Variants in HDAC9 observed in about 807,000 individuals in gnomAD.
HDAC9 encodes MEF-2 interacting transcription repressor (MITR) protein.
HDAC9 carries 41 observed loss-of-function variants against 139.4 expected under a neutral mutation model. That is an observed-to-expected ratio of 0.29 (90% confidence interval 0.23 to 0.38). HDAC9 has a LOEUF of 0.38. Ranked by LOEUF, HDAC9 falls within the 10% of genes least tolerant of loss-of-function variation. The probability of loss-of-function intolerance (pLI) is 1.00; values close to 1 mark genes in which losing one functional copy is unlikely to be tolerated. For missense variants in HDAC9, 1,147 were observed against 1,297.0 expected (o/e 0.88, Z 1.78); for synonymous variants, 517 against 476.2 (o/e 1.09, Z -1.12).
At chr7:18,798,827 A>C (rs1793032848) in intron 17 of HDAC9, among the ~76,000 whole-genome samples, 1 of 152,150 alleles carries the variant, frequency 6.6e-6, no homozygotes, top group East Asian at 1.9e-4. Flanking sequence ...GTGCATAAGG[A>C]CTATGAAAAG....
chr7:18,546,311 T>C (rs994863971), intron 2 of HDAC9, among the ~76,000 whole-genome samples: 4 of 152,202 alleles, frequency 2.6e-5, no homozygotes, highest in African/African-American at 9.6e-5. Context: ...GAATGGGATA[T>C]ATAGTCCCAT....
At position 18,644,799 on chromosome 7, in the gene HDAC9, TCATTG is replaced by T. The variant is rs1362602545; in HGVS notation, c.1035+9_1035+13del. On this transcript the variant is annotated splice_region_variant and intron_variant, in intron 9 of 25. Transcript: ENST00000686413. ...CAGTGCCATCCCAGCTCAATGTAAG[TCATTG>T]CACAGCATCAGCCTTAATCAACCTA... 6.2e-6 allele frequency: 10 copies of T among 1,609,070 alleles called. No homozygotes were observed. The highest frequency in any genetic ancestry group is 8.5e-6 in the Non-Finnish European group (10 of 1,177,674).
At chr7:18,794,234 T>C (rs1792582715) in intron 17 of HDAC9, among the ~76,000 whole-genome samples, 1 of 152,218 alleles carries the variant, frequency 6.6e-6, no homozygotes, top group Non-Finnish European at 1.5e-5. Context: ...ATCTGGGTCG[T>C]GATTGATTCG....
intron 22 of HDAC9, among the ~76,000 whole-genome samples, chr7:18,877,365 T>C (rs1799396811): frequency 6.6e-6 from 1 of 152,162 alleles, no homozygotes; most frequent in African/African-American, 2.4e-5. Flanking sequence ...ACTTTCACTG[T>C]CTTGTTCAGG....
intron 23 of HDAC9, among the ~76,000 whole-genome samples, chr7:18,939,112 C>T (rs1781851878): frequency 6.6e-6 from 1 of 152,128 alleles, no homozygotes; most frequent in South Asian, 2.1e-4. Flanking sequence ...TTATGATGCC[C>T]TAAATACCAG....
chr7:18,092,808 G>A (rs1782253708), intron 1 of HDAC9, among the ~76,000 whole-genome samples: 1 of 152,198 alleles, frequency 6.6e-6, no homozygotes, highest in Non-Finnish European at 1.5e-5. Context: ...TAATGGTAAT[G>A]AGGGTCCATT....
Position 18,667,788 on chromosome 7 carries a change from A to G in HDAC9, c.1731+1312A>G, listed in dbSNP as rs1795243463. 1.1e-5 allele frequency: 11 copies of G among 984,872 alleles called. No homozygotes were observed. The South Asian group carries it at 3.8e-4, about 34-fold the overall frequency. The allele number at this position is 984,872 out of a possible 1,614,324, so 61.0% of individuals were successfully genotyped here. On this transcript the variant is annotated intron_variant, in intron 12 of 25. Coordinates refer to ENST00000686413, the MANE Select transcript of HDAC9 (RefSeq NM_178425.4). ...TATTGTCTAAGAAAATAACACCACA[A>G]GTAGGGAAATTGTTACGGAAGCTTT... is the stretch of plus-strand genomic sequence containing the variant.
chr7:18,626,523 G>T (rs1841769577), intron 6 of HDAC9, among the ~76,000 whole-genome samples: 4 of 152,138 alleles, frequency 2.6e-5, no homozygotes, highest in Admixed American at 2.0e-4. Flanking sequence ...AATTCATCCA[G>T]GCATCTATTT....
At chr7:18,252,264 C>T (rs1485276656) in intron 2 of HDAC9, among the ~76,000 whole-genome samples, 2 of 152,116 alleles carry the variant, frequency 1.3e-5, no homozygotes, top group East Asian at 1.9e-4. Flanking sequence ...GTCAATGTGG[C>T]CACTGGTTCC....
chr7:18,149,761 A>G lies in HDAC9; in HGVS notation c.-96-12468A>G, dbSNP rs188581009. Among the ~76,000 whole-genome samples, 51 of 152,054 alleles carry G rather than the reference A, an allele frequency of 3.4e-4. No individual in the cohort carries two copies. The East Asian group carries it at 4.8e-3, about 14-fold the overall frequency. On this transcript the variant is annotated intron_variant, in intron 1 of 12. Transcript: ENST00000417496. ...AGTAGAGACAGGGTTTCACTGTGTTAGCCAGGATGGTCTCGATCTCCTGAC... is the reference window on the plus strand; with the variant it reads ...AGTAGAGACAGGGTTTCACTGTGTTGGCCAGGATGGTCTCGATCTCCTGAC...
chr7:18,844,759 T>C (rs1468285690), intron 21 of HDAC9, among the ~76,000 whole-genome samples: 3 of 152,194 alleles, frequency 2.0e-5, no homozygotes, highest in African/African-American at 7.2e-5. Context: ...GAAAGTTTTA[T>C]TACCCAAAGA....
intron 1 of HDAC9, among the ~76,000 whole-genome samples, chr7:18,376,163 G>A (rs905964589): frequency 2.0e-5 from 3 of 152,006 alleles, no homozygotes; most frequent in African/African-American, 4.8e-5. Context: ...TACACGGAAG[G>A]CCACTGTGAA....
chr7:18,118,183 T>C (rs1784132887), intron 1 of HDAC9, among the ~76,000 whole-genome samples: 1 of 152,252 alleles, frequency 6.6e-6, no homozygotes, highest in Admixed American at 6.5e-5. Context: ...TTATTATCCC[T>C]ACTTCACAAA....
At chr7:18,640,442 A>G (rs1248567976) in intron 8 of HDAC9, among the ~76,000 whole-genome samples, 4 of 150,068 alleles carry the variant, frequency 2.7e-5, no homozygotes, top group African/African-American at 9.8e-5. Flanking sequence ...GTCAAGGGCT[A>G]TCATTGACTT....
At position 18,796,001 on chromosome 7, in the gene HDAC9, C is replaced by T. The variant is rs527897402; in HGVS notation, c.2322+2549C>T. Among the ~76,000 whole-genome samples, 3 of 152,310 alleles carry T rather than the reference C, an allele frequency of 2.0e-5. No homozygotes were observed. In the East Asian group the frequency reaches 5.8e-4, roughly 29 times the overall value. On this transcript the variant is annotated intron_variant, in intron 17 of 25. Coordinates refer to ENST00000686413, the MANE Select transcript of HDAC9 (RefSeq NM_178425.4). ...GAAAAGACTTGAGCATTTTGTTATT[C>T]ATTTTTCTGCATCTACATTCAGTTC...
chr7:18,930,103 T>C (rs1804603191), intron 22 of HDAC9, among the ~76,000 whole-genome samples: 1 of 152,146 alleles, frequency 6.6e-6, no homozygotes, highest in African/African-American at 2.4e-5. Flanking sequence ...CTCCGAGGCA[T>C]CCAAGCTCCT....
At chr7:18,189,494 A>G (rs769273432) in intron 2 of HDAC9, among the ~76,000 whole-genome samples, 3 of 151,988 alleles carry the variant, frequency 2.0e-5, no homozygotes, top group Non-Finnish European at 2.9e-5. Flanking sequence ...AGAAATAAAG[A>G]AAAAAAAGAA....
intron 21 of HDAC9, among the ~76,000 whole-genome samples, chr7:18,872,652 C>T (rs1382965275): frequency 6.6e-6 from 1 of 152,126 alleles, no homozygotes; most frequent in African/African-American, 2.4e-5. Flanking sequence ...TGTAGATCAT[C>T]TCTGTGTTTT....
intron 2 of HDAC9, among the ~76,000 whole-genome samples, chr7:18,165,834 A>G (rs1270552037): frequency 2.0e-5 from 3 of 151,818 alleles, no homozygotes; most frequent in Non-Finnish European, 4.4e-5. Context: ...AAGCTAACAC[A>G]GTGGAAACCT....
Sources: gnomAD v4.1 joint callset for allele counts (sites outside exome capture counted in the v4.1 genomes callset) on GRCh38, gnomAD v4.1.1 for gene constraint, MANE v1.5 for transcripts, NCBI Gene and HGNC (gene_info 2026-07-23, HGNC 2026-07-21) for gene names.